The following RGS6 variants were observed in gnomAD, a reference collection of about 807,000 sequenced individuals.
RGS6 encodes the protein regulator of G protein signaling 6, also known as regulator of G-protein signaling 6.
In RGS6, 30 loss-of-function variants were observed where a neutral mutation model predicts 78.5. That is an observed-to-expected ratio of 0.38 (90% CI 0.29 to 0.52). The LOEUF is 0.52. RGS6 is among the 20% of genes least tolerant of loss of function. The probability of loss-of-function intolerance (pLI) is 0.85; values close to 1 mark genes in which losing one functional copy is unlikely to be tolerated. For synonymous variants in RGS6, 206 were observed against 206.0 expected (o/e 1.00, Z 0.00); for missense variants, 495 against 609.7 (o/e 0.81, Z 1.98).
chr14:72,272,167 C>T lies in RGS6; in HGVS notation c.85-79928C>T, dbSNP rs759001219. ...ACCAACCCTCATCCATCTCTAAAGGCACTGATTTTTTTGATAAATCAGATA... is the reference window on the plus strand; with the variant it reads ...ACCAACCCTCATCCATCTCTAAAGGTACTGATTTTTTTGATAAATCAGATA... On this transcript the variant is annotated intron_variant, in intron 2 of 17. Transcript: ENST00000553525. 3.3e-5 allele frequency among the ~76,000 whole-genome samples: 5 copies of T among 152,128 alleles called. No homozygotes were observed. The East Asian group carries it at 7.7e-4, about 23-fold the overall frequency.
intron 2 of RGS6, among the ~76,000 whole-genome samples, chr14:72,104,464 A>G (rs750246974): frequency 3.3e-5 from 5 of 152,316 alleles, no homozygotes; most frequent in East Asian, 1.9e-4. Flanking sequence ...ATGCATTTAT[A>G]AAATAAAGGA....
chr14:72,567,008 C>CT (rs1163580531), downstream of RGS6, among the ~76,000 whole-genome samples: 15 of 152,204 alleles, frequency 9.9e-5, no homozygotes, highest in Non-Finnish European at 1.9e-4. Context: ...CAGCTGGACT[C>CT]TGAGAGCCTG....
chr14:72,055,825 C>G (rs11158940), intron 2 of RGS6, among the ~76,000 whole-genome samples: 21,467 of 152,170 alleles, frequency 0.14, 1,731 homozygotes, highest in Non-Finnish European at 0.18. Flanking sequence ...TTGGAGAATC[C>G]TCTTGCCTCT....
At chr14:72,491,851 G>A (rs1025932688) in intron 12 of RGS6, among the ~76,000 whole-genome samples, 16 of 152,140 alleles carry the variant, frequency 1.1e-4, no homozygotes, top group Middle Eastern at 3.2e-3. Context: ...TGAGGCATGG[G>A]GCTAACAGCA....
At chr14:72,405,108 A>G (rs879660709) in intron 3 of RGS6, among the ~76,000 whole-genome samples, 4 of 152,222 alleles carry the variant, frequency 2.6e-5, no homozygotes, top group Non-Finnish European at 5.9e-5. Context: ...TTGTTTCAAA[A>G]CAGAGTCAGC....
chr14:72,567,721 C>G (rs1168993318), downstream of RGS6, among the ~76,000 whole-genome samples: 2 of 152,210 alleles, frequency 1.3e-5, no homozygotes, highest in Admixed American at 6.5e-5. Context: ...GATCCTAGAA[C>G]TTTTCCTGGG....
intron 2 of RGS6, among the ~76,000 whole-genome samples, chr14:72,289,069 T>C (rs1247779432): frequency 6.6e-6 from 1 of 152,118 alleles, no homozygotes; most frequent in East Asian, 1.9e-4. Flanking sequence ...TACAATAAAC[T>C]AGAAAGGATG....
At chr14:72,554,789 C>G (rs934556540) in intron 17 of RGS6, among the ~76,000 whole-genome samples, 3 of 152,202 alleles carry the variant, frequency 2.0e-5, no homozygotes, top group Non-Finnish European at 2.9e-5. Context: ...TTCCACCACA[C>G]AGGGATGCAG....
intron 2 of RGS6, among the ~76,000 whole-genome samples, chr14:72,206,178 G>A (rs1168271512): frequency 6.6e-6 from 1 of 152,094 alleles, no homozygotes; most frequent in Non-Finnish European, 1.5e-5. Context: ...TCAAAATAAT[G>A]AGCAGGCTTG....
chr14:72,229,194 A>G (rs2048901751), intron 2 of RGS6, among the ~76,000 whole-genome samples: 1 of 152,222 alleles, frequency 6.6e-6, no homozygotes, highest in South Asian at 2.1e-4. Context: ...ATTTATGAGC[A>G]ATTTTAAATT....
chr14:71,997,945 G>A lies in RGS6; in HGVS notation c.84+33070G>A, dbSNP rs561243964. ...CTATGGACCCAGAAAATCTGAGATAGGTCTCAGTTAATGTAGAAAGTGTAT... is the reference window on the plus strand; with the variant it reads ...CTATGGACCCAGAAAATCTGAGATAAGTCTCAGTTAATGTAGAAAGTGTAT... On this transcript the variant is annotated intron_variant, in intron 2 of 17. Coordinates refer to ENST00000553525, the MANE Select transcript of RGS6 (RefSeq NM_001204424.2). Among the ~76,000 whole-genome samples the A allele has an allele frequency of 7.2e-5, 11 of 152,278 alleles. No homozygotes were observed. In the East Asian group the frequency reaches 2.1e-3, roughly 29 times the overall value.
At chr14:72,130,165 A>G (rs2096284635) in intron 2 of RGS6, among the ~76,000 whole-genome samples, 1 of 152,230 alleles carries the variant, frequency 6.6e-6, no homozygotes, top group African/African-American at 2.4e-5. Context: ...TATAAATGAT[A>G]CAATTGAACA....
At chr14:72,295,861 C>A (rs564837474) in intron 2 of RGS6, among the ~76,000 whole-genome samples, 12 of 152,186 alleles carry the variant, frequency 7.9e-5, no homozygotes, top group Non-Finnish European at 1.8e-4. Context: ...AAGTTTGTTT[C>A]AGTTATTTGT....
chr14:71,892,172 A>G, the RGS6 span, among the ~76,000 whole-genome samples: 1 of 152,178 alleles, frequency 6.6e-6, no homozygotes, highest in African/African-American at 2.4e-5. Flanking sequence ...CCTTCACAAC[A>G]AAACACTACA....
intron 2 of RGS6, among the ~76,000 whole-genome samples, chr14:72,029,516 A>G (rs1716346606): frequency 6.6e-6 from 1 of 152,208 alleles, no homozygotes. Flanking sequence ...ATCTTCACAG[A>G]GAGGGCTTGC....
chr14:72,568,732 T>C (rs573157972), downstream of RGS6, among the ~76,000 whole-genome samples: 16 of 152,356 alleles, frequency 1.1e-4, no homozygotes, highest in African/African-American at 2.9e-4. Context: ...TCATGGCTAC[T>C]TCCGTGAGAT....
intron 3 of RGS6, among the ~76,000 whole-genome samples, chr14:72,373,393 T>C (rs757881859): frequency 6.6e-6 from 1 of 152,124 alleles, no homozygotes; most frequent in Non-Finnish European, 1.5e-5. Context: ...ACAATACCCA[T>C]TGGGGCAGAA....
chr14:72,042,647 CT>C (rs34704022), intron 2 of RGS6, among the ~76,000 whole-genome samples: 134,241 of 151,926 alleles, frequency 0.88, 59,316 homozygotes, highest in South Asian at 0.92. Flanking sequence ...ATATAATAAA[CT>C]TTTTTTTTCA....
At chr14:72,330,727 C>G (rs1438854936) in intron 2 of RGS6, among the ~76,000 whole-genome samples, 1 of 152,136 alleles carries the variant, frequency 6.6e-6, no homozygotes, top group Non-Finnish European at 1.5e-5. Flanking sequence ...AATTCCAAAC[C>G]CTCTCACAGC....
Sources: allele counts gnomAD v4.1 joint callset (sites outside exome capture counted in the v4.1 genomes callset), GRCh38; gene constraint gnomAD v4.1.1; transcripts MANE v1.5; gene names NCBI Gene and HGNC (gene_info 2026-07-23, HGNC 2026-07-21).